Variants in KLHL32 observed in about 807,000 individuals in gnomAD.
KLHL32 encodes the protein kelch like family member 32, also known as kelch-like protein 32.
A neutral mutation model predicts 64.8 loss-of-function variants in KLHL32; 35 were observed. The ratio of observed to expected loss-of-function variants is 0.54; its 90% CI spans 0.41 to 0.72. The LOEUF (loss-of-function observed/expected upper bound fraction) is 0.72. Among genes scored for constraint, KLHL32 ranks in the 30% least tolerant of loss-of-function variants. The probability of loss-of-function intolerance (pLI) is 0.00; values close to 1 mark genes in which losing one functional copy is unlikely to be tolerated. For synonymous variants in KLHL32, 259 were observed against 281.0 expected (o/e 0.92, Z 0.78); for missense variants, 589 against 768.5 (o/e 0.77, Z 2.76).
At chr6:96,973,436 C>T (rs771009965) in intron 2 of KLHL32, among the ~76,000 whole-genome samples, 37 of 152,208 alleles carry the variant, frequency 2.4e-4, no homozygotes, top group Admixed American at 9.8e-4. Flanking sequence ...ATTTATTTAA[C>T]ATTTAAGGTG....
At chr6:97,078,933 CA>C (rs1046693394) in intron 5 of KLHL32, among the ~76,000 whole-genome samples, 5 of 152,096 alleles carry the variant, frequency 3.3e-5, no homozygotes, top group Admixed American at 2.0e-4. Context: ...CGGCGGTAGC[CA>C]AAACTAAGAC....
chr6:97,110,823 T>C (rs1427069452), intron 6 of KLHL32, among the ~76,000 whole-genome samples: 2 of 152,182 alleles, frequency 1.3e-5, no homozygotes, highest in Non-Finnish European at 2.9e-5. Context: ...AGGGGCAAAC[T>C]CAAAACAGAA....
chr6:97,036,093 C>T (rs1784257915), intron 3 of KLHL32, among the ~76,000 whole-genome samples: 1 of 152,038 alleles, frequency 6.6e-6, no homozygotes, highest in African/African-American at 2.4e-5. Context: ...CTAATTCTTT[C>T]CTCTGCTTGA....
intron 4 of KLHL32, among the ~76,000 whole-genome samples, chr6:97,059,450 C>T (rs1232525593): frequency 1.3e-5 from 2 of 152,180 alleles, no homozygotes; most frequent in Non-Finnish European, 2.9e-5. Context: ...GCCAGTATTG[C>T]TCAGATGGAG....
chr6:97,131,100 G>A, intron 9 of KLHL32, 151 bp downstream of exon 9: 2 of 686,872 alleles, frequency 2.9e-6, no homozygotes, highest in South Asian at 4.0e-5. Context: ...TATCATTTAT[G>A]TTCTAACAGA....
chr6:97,136,754 T>C (rs948890809), intron 10 of KLHL32, among the ~76,000 whole-genome samples: 1 of 152,214 alleles, frequency 6.6e-6, no homozygotes, highest in African/African-American at 2.4e-5. Context: ...GGGGAGTGTT[T>C]TGGAGAAAAA....
At chr6:96,950,788 T>A (rs1456704880) in intron 1 of KLHL32, among the ~76,000 whole-genome samples, 1 of 152,228 alleles carries the variant, frequency 6.6e-6, no homozygotes, top group African/African-American at 2.4e-5. Flanking sequence ...TTGTCCTCTT[T>A]GCCATAGACA....
At chr6:97,050,869 G>A (rs533749073) in intron 4 of KLHL32, among the ~76,000 whole-genome samples, 119 of 152,128 alleles carry the variant, frequency 7.8e-4, no homozygotes, top group African/African-American at 2.7e-3. Flanking sequence ...CAGGTGTGGC[G>A]GTGGACATCT....
chr6:97,095,905 A>C (rs1414942055), intron 6 of KLHL32, among the ~76,000 whole-genome samples: 1 of 152,180 alleles, frequency 6.6e-6, no homozygotes, highest in South Asian at 2.1e-4. Context: ...GCAGAAAGTC[A>C]TATGCAAGAT....
chr6:97,059,192 G>A (rs983239117), intron 4 of KLHL32, among the ~76,000 whole-genome samples: 2 of 152,200 alleles, frequency 1.3e-5, no homozygotes, highest in African/African-American at 2.4e-5. Flanking sequence ...TGGATTTAGA[G>A]TTGGATCTTG....
At chr6:96,974,663 G>A (rs1465022902) in intron 2 of KLHL32, among the ~76,000 whole-genome samples, 1 of 152,194 alleles carries the variant, frequency 6.6e-6, no homozygotes, top group East Asian at 1.9e-4. Context: ...CTTAATGACT[G>A]CCTTCTGGCA....
chr6:97,070,396 C>G (rs753682430), intron 5 of KLHL32, among the ~76,000 whole-genome samples: 1 of 152,080 alleles, frequency 6.6e-6, no homozygotes, highest in Non-Finnish European at 1.5e-5. Context: ...AAATAACATT[C>G]ATATTTGGCT....
At chr6:96,967,851 G>A (rs1249639607) in intron 2 of KLHL32, among the ~76,000 whole-genome samples, 1 of 152,166 alleles carries the variant, frequency 6.6e-6, no homozygotes, top group Non-Finnish European at 1.5e-5. Flanking sequence ...TTTGAAGGGG[G>A]GCATGCCCTG....
In KLHL32 at chr6:96,967,899, G is replaced by A. The variant is rs75465522; in HGVS notation, c.23+816G>A. ...GCTTGGCACATTCCAGAAACTGAGG[G>A]GCAGCCAATGAGAAAATGCATGGCA... On this transcript the variant is annotated intron_variant, in intron 2 of 10. Transcript: ENST00000369261. Among the ~76,000 whole-genome samples, 1,185 of 152,278 alleles carry A rather than the reference G, an allele frequency of 7.8e-3. 18 individuals are homozygous for A. The highest frequency in any genetic ancestry group is 0.027 in the African/African-American group (1,113 of 41,570).
chr6:97,137,526 T>C (rs1278591925), intron 10 of KLHL32, among the ~76,000 whole-genome samples: 1 of 152,080 alleles, frequency 6.6e-6, no homozygotes, highest in African/African-American at 2.4e-5. Flanking sequence ...TAATGCGTTG[T>C]TGAAGTTAAA....
intron 4 of KLHL32, among the ~76,000 whole-genome samples, chr6:97,062,907 G>C (rs1162550818): frequency 6.6e-6 from 1 of 152,206 alleles, no homozygotes; most frequent in African/African-American, 2.4e-5. Context: ...GTCAGGGAAG[G>C]TATCTCAGGT....
intron 1 of KLHL32, among the ~76,000 whole-genome samples, chr6:96,953,686 T>C (rs1177004530): frequency 6.6e-6 from 1 of 152,038 alleles, no homozygotes; most frequent in Non-Finnish European, 1.5e-5. Flanking sequence ...CACGCCATCA[T>C]ACATACAGGC....
chr6:97,058,635 A>G (rs929009526), intron 4 of KLHL32, among the ~76,000 whole-genome samples: 2 of 152,230 alleles, frequency 1.3e-5, no homozygotes, highest in Non-Finnish European at 2.9e-5. Context: ...AGTCTCTGTA[A>G]CAGTGTTTGT....
intron 3 of KLHL32, among the ~76,000 whole-genome samples, chr6:97,001,290 T>G (rs1779001901): frequency 6.6e-6 from 1 of 152,208 alleles, no homozygotes; most frequent in Non-Finnish European, 1.5e-5. Flanking sequence ...TGGAACTCTC[T>G]ATACTTTCTA....
Sources: allele counts gnomAD v4.1 joint callset (sites outside exome capture counted in the v4.1 genomes callset), GRCh38; gene constraint gnomAD v4.1.1; transcripts MANE v1.5; gene names NCBI Gene and HGNC (gene_info 2026-07-23, HGNC 2026-07-21).